LYPLAL1: variants seen among roughly 807,000 people sequenced by gnomAD.
LYPLAL1 encodes the protein lysophospholipase like 1.
In LYPLAL1, 23 loss-of-function variants were observed where a neutral mutation model predicts 19.7. That is an observed-to-expected ratio of 1.17 (90% CI 0.84 to 1.65). The LOEUF (loss-of-function observed/expected upper bound fraction) is 1.65, where lower values mean the gene tolerates loss of function less well. Among genes scored for constraint, LYPLAL1 ranks in the 40% most tolerant of loss-of-function variants. The pLI is 0.00. For missense variants in LYPLAL1, 355 were observed against 279.4 expected (o/e 1.27, Z -1.93); for synonymous variants, 119 against 96.3 (o/e 1.24, Z -1.38).
chr1:219,375,524 TAGA>T, the LYPLAL1 span, among the ~76,000 whole-genome samples: 5 of 83,526 alleles, frequency 6.0e-5, no homozygotes, highest in African/African-American at 2.3e-4. Context: ...AAGGAACAAA[TAGA>T]AGAAGCTCAA....
the LYPLAL1 span, among the ~76,000 whole-genome samples, chr1:219,393,855 A>G: frequency 1.3e-5 from 2 of 151,614 alleles, no homozygotes; most frequent in Non-Finnish European, 2.9e-5. Context: ...TTGGCTTTTT[A>G]AAATTTATAA....
At chr1:219,393,109 G>A in the LYPLAL1 span, among the ~76,000 whole-genome samples, 7 of 152,172 alleles carry the variant, frequency 4.6e-5, no homozygotes, top group Admixed American at 3.9e-4. Flanking sequence ...AGCTGTAAGG[G>A]TTGGTTACTG....
chr1:219,308,237 A>G, the LYPLAL1 span, among the ~76,000 whole-genome samples: 1 of 152,152 alleles, frequency 6.6e-6, no homozygotes, highest in Non-Finnish European at 1.5e-5. Flanking sequence ...CTAAGCAGCA[A>G]AGCATTCAAG....
chr1:219,292,220 C>T, the LYPLAL1 span, among the ~76,000 whole-genome samples: 1 of 152,178 alleles, frequency 6.6e-6, no homozygotes, highest in African/African-American at 2.4e-5. Context: ...CTTCACCTCT[C>T]CTGGGAATGT....
the LYPLAL1 span, among the ~76,000 whole-genome samples, chr1:219,319,227 G>C: frequency 6.6e-6 from 1 of 152,212 alleles, no homozygotes; most frequent in Non-Finnish European, 1.5e-5. Flanking sequence ...GCTGGACTCA[G>C]ACTTCTGAGG....
downstream of LYPLAL1, among the ~76,000 whole-genome samples, chr1:219,214,240 G>A (rs76365253): frequency 2.4e-3 from 370 of 152,102 alleles, 2 homozygotes; most frequent in South Asian, 0.023. Context: ...TGGTTATATT[G>A]TATAATTTTT....
chr1:219,314,602 G>A, the LYPLAL1 span, among the ~76,000 whole-genome samples: 1 of 151,934 alleles, frequency 6.6e-6, no homozygotes, highest in African/African-American at 2.4e-5. Context: ...CCACCACCGC[G>A]CCCAGCTAAT....
the LYPLAL1 span, among the ~76,000 whole-genome samples, chr1:219,228,376 AAAAG>A: frequency 2.6e-5 from 4 of 152,162 alleles, no homozygotes; most frequent in Non-Finnish European, 5.9e-5. Context: ...AGATTCTGCT[AAAAG>A]AAAGAAAAAA....
the LYPLAL1 span, among the ~76,000 whole-genome samples, chr1:219,255,831 A>G: frequency 3.3e-5 from 5 of 151,960 alleles, no homozygotes; most frequent in African/African-American, 2.4e-5. Flanking sequence ...ATTTTTCTAT[A>G]TCTATAAAGA....
At chr1:219,189,012 G>A (rs979399159) in intron 2 of LYPLAL1, among the ~76,000 whole-genome samples, 2 of 151,452 alleles carry the variant, frequency 1.3e-5, no homozygotes, top group Admixed American at 6.6e-5. Context: ...TTTTTGTCTC[G>A]TTAAATTTTC....
chr1:219,234,763 G>C, the LYPLAL1 span, among the ~76,000 whole-genome samples: 11 of 152,018 alleles, frequency 7.2e-5, no homozygotes, highest in Admixed American at 2.6e-4. Context: ...TAACGTGATT[G>C]CTGACCTGGT....
chr1:219,273,950 T>C, the LYPLAL1 span, among the ~76,000 whole-genome samples: 4 of 152,074 alleles, frequency 2.6e-5, no homozygotes, highest in East Asian at 1.9e-4. Context: ...TTAGCAGAGA[T>C]GGGATTTCAC....
chr1:219,290,698 A>G, the LYPLAL1 span, among the ~76,000 whole-genome samples: 1 of 152,110 alleles, frequency 6.6e-6, no homozygotes, highest in South Asian at 2.1e-4. Flanking sequence ...TACTTTCTTA[A>G]TAAACTCGCT....
chr1:219,252,793 C>T, the LYPLAL1 span, among the ~76,000 whole-genome samples: 8 of 152,096 alleles, frequency 5.3e-5, no homozygotes, highest in South Asian at 1.5e-3. Flanking sequence ...TAATGCTGGC[C>T]TCATAGAATG....
the LYPLAL1 span, among the ~76,000 whole-genome samples, chr1:219,246,781 T>C: frequency 6.6e-6 from 1 of 152,192 alleles, no homozygotes; most frequent in Non-Finnish European, 1.5e-5. Flanking sequence ...GGATGGAGTT[T>C]CACCATATTG....
intron 1 of LYPLAL1, chr1:219,175,022 T>G: frequency 2.0e-6 from 2 of 985,200 alleles, no homozygotes; most frequent in Non-Finnish European, 2.4e-6. Flanking sequence ...CCGAGACGGG[T>G]AGGCTTAAAT....
the LYPLAL1 span, among the ~76,000 whole-genome samples, chr1:219,306,857 C>T: frequency 0.36 from 43,927 of 123,222 alleles, 7,060 homozygotes; most frequent in East Asian, 0.59. Context: ...GATAGACAGA[C>T]AGACAGACAG....
the LYPLAL1 span, among the ~76,000 whole-genome samples, chr1:219,225,138 TG>T: frequency 3.9e-5 from 6 of 152,196 alleles, no homozygotes; most frequent in Non-Finnish European, 8.8e-5. Flanking sequence ...TCTATACCTC[TG>T]GCCCTAAGCA....
chr1:219,288,932 C>T, the LYPLAL1 span, among the ~76,000 whole-genome samples: 38 of 152,216 alleles, frequency 2.5e-4, no homozygotes, highest in Admixed American at 6.5e-4. Context: ...CATAAAATGT[C>T]ATTAGGCACG....
Sources: allele counts gnomAD v4.1 joint callset (sites outside exome capture counted in the v4.1 genomes callset), GRCh38; gene constraint gnomAD v4.1.1; transcripts MANE v1.5; gene names NCBI Gene and HGNC (gene_info 2026-07-23, HGNC 2026-07-21).